The following PPIL6 variants were observed in gnomAD, a reference collection of about 807,000 sequenced individuals.
PPIL6 encodes the protein peptidylprolyl isomerase like 6.
A neutral mutation model predicts 36.8 loss-of-function variants in PPIL6; 39 were observed. The observed-to-expected ratio is 1.06, with a 90% CI of 0.82 to 1.38. The LOEUF (loss-of-function observed/expected upper bound fraction) is 1.38. PPIL6 is among the 40% of genes most tolerant of loss of function. PPIL6 has a pLI of 0.00. For missense variants in PPIL6, 368 were observed against 379.1 expected (o/e 0.97, Z 0.24); for synonymous variants, 123 against 134.1 (o/e 0.92, Z 0.57).
At chr6:109,440,974 C>G, upstream of PPIL6, 1 of 755,510 alleles carries the variant, frequency 1.3e-6, no homozygotes, top group Non-Finnish European at 2.2e-6. Context: ...CGGGCCCGAC[C>G]TGAGCCACGC....
chr6:109,430,717 G>A (rs1182056679), intron 3 of PPIL6, among the ~76,000 whole-genome samples: 1 of 152,134 alleles, frequency 6.6e-6, no homozygotes, highest in African/African-American at 2.4e-5. Context: ...GAGCCACCGC[G>A]CCCGGCCTGT....
chr6:109,439,485 T>C (rs1029482361), intron 1 of PPIL6, among the ~76,000 whole-genome samples: 2 of 152,104 alleles, frequency 1.3e-5, no homozygotes, highest in African/African-American at 2.4e-5. Context: ...GCCTCCTGAG[T>C]AGCTGGGATT....
intron 2 of PPIL6, among the ~76,000 whole-genome samples, chr6:109,432,985 G>C (rs915836640): frequency 6.6e-6 from 1 of 152,072 alleles, no homozygotes; most frequent in African/African-American, 2.4e-5. Flanking sequence ...ATCACTGATA[G>C]AGCCAGTTGG....
At chr6:109,400,001 G>T (rs202155130) in intron 7 of PPIL6, 34 bp downstream of exon 7, 3 of 1,524,602 alleles carry the variant, frequency 2.0e-6, no homozygotes, top group Admixed American at 1.8e-5. Context: ...TTACAGGTGT[G>T]AATATTATAT....
rs1772085810 is a variant in PPIL6, at chr6:109,391,207, GA to G, written c.*1618del. The G allele has an allele frequency of 1.5e-5, 2 of 135,434 alleles. No homozygotes were observed. Among genetic ancestry groups the G allele is most frequent in the Admixed American group, 1.7e-4 (2 of 11,768 alleles). The allele number at this position is 135,434 out of a possible 1,614,324, so 8.4% of individuals were successfully genotyped here. A position where few individuals can be genotyped will look rare whatever the true frequency, so the allele number is the denominator to read the frequency against. ...GGAGGCTGAGGCAGGAGAATGGCAT[GA>G]ATCAGGGAGGCAGAGCTTGCAGTGA... is the stretch of plus-strand genomic sequence containing the variant. On this transcript the variant is annotated 3_prime_UTR_variant, in exon 8 of 8. Transcript: ENST00000521072.
chr6:109,427,340 T>C (rs1582584540), intron 3 of PPIL6, among the ~76,000 whole-genome samples, 184 bp from the exon 4 acceptor site: 1 of 152,282 alleles, frequency 6.6e-6, no homozygotes, highest in Middle Eastern at 3.4e-3. Flanking sequence ...TTTATCAAGT[T>C]TTTATAACCC....
Position 109,394,739 on chromosome 6 carries a change from C to A in PPIL6, c.825-1802G>T, listed in dbSNP as rs188912851. ...AGAGGATAAATAGATTCATTTCTGTCCAAAGAGAGTATGAAGCCTGTTCTC... is the reference window on the plus strand; with the variant it reads ...AGAGGATAAATAGATTCATTTCTGTACAAAGAGAGTATGAAGCCTGTTCTC... On this transcript the variant is annotated intron_variant, in intron 7 of 7. Coordinates refer to ENST00000521072, the MANE Select transcript of PPIL6 (RefSeq NM_173672.5). Among the ~76,000 whole-genome samples, 463 of 152,300 alleles carry A rather than the reference C, an allele frequency of 3.0e-3. 2 individuals are homozygous for A. The highest frequency in any genetic ancestry group is 0.01 in the African/African-American group (435 of 41,570).
At chr6:109,418,458 T>G (rs534713395) in intron 6 of PPIL6, among the ~76,000 whole-genome samples, 2 of 152,296 alleles carry the variant, frequency 1.3e-5, no homozygotes, top group Admixed American at 1.3e-4. Context: ...TCCTTAACTG[T>G]TTGTATTGTG....
chr6:109,441,055 C>T (rs553477533), upstream of PPIL6: 7 of 1,548,158 alleles, frequency 4.5e-6, no homozygotes, highest in South Asian at 4.5e-5. Context: ...CCGCCGGCCG[C>T]CCCCGTCCCC....
In PPIL6 at chr6:109,414,976, A is replaced by G. The variant is rs189101914; in HGVS notation, c.688+4211T>C. 1.3e-3 allele frequency among the ~76,000 whole-genome samples: 195 copies of G among 152,346 alleles called. 2 individuals are homozygous for G. Among genetic ancestry groups the G allele is most frequent in the South Asian group, 8.1e-3 (39 of 4,830 alleles). ...AAAATAAAATGTTATAAAGAAAATC[A>G]TAAGGAAGAGAAAATATATCTACTA... On this transcript the variant is annotated intron_variant, in intron 6 of 7. Coordinates refer to ENST00000521072, the MANE Select transcript of PPIL6 (RefSeq NM_173672.5).
intron 5 of PPIL6, among the ~76,000 whole-genome samples, chr6:109,425,756 A>AAAAAAAAAAAAAAGAACAC (rs1228493386): frequency 4.0e-5 from 6 of 151,738 alleles, no homozygotes; most frequent in Non-Finnish European, 8.8e-5. Context: ...TTTCAAAAAA[A>AAAAAAAAAAAAAAGAACAC]AAAAAAAAAA....
At chr6:109,419,414 C>T (rs551012379) in intron 5 of PPIL6, among the ~76,000 whole-genome samples, 171 bp from the exon 6 acceptor site, 29 of 148,432 alleles carry the variant, frequency 2.0e-4, no homozygotes, top group East Asian at 5.9e-4. Flanking sequence ...GACTCCATCT[C>T]GATTAAAAAA....
chr6:109,410,069 C>T lies in PPIL6; in HGVS notation c.688+9118G>A, dbSNP rs546446314. The stretch of plus-strand genomic sequence containing the variant: ...TGACCAGCAGACCCATGGATTACCA[C>T]CTGATGCAAGCCCCTCCCACTGAGG... On this transcript the variant is annotated intron_variant, in intron 6 of 7. Transcript: ENST00000521072. 2.0e-5 allele frequency among the ~76,000 whole-genome samples: 3 copies of T among 152,238 alleles called. No homozygotes were observed. In the South Asian group the frequency reaches 6.2e-4, roughly 32 times the overall value.
At chr6:109,430,983 T>C (rs1447821649) in intron 3 of PPIL6, among the ~76,000 whole-genome samples, 174 bp downstream of exon 3, 1 of 152,210 alleles carries the variant, frequency 6.6e-6, no homozygotes, top group African/African-American at 2.4e-5. Flanking sequence ...TGAGACACAC[T>C]TGCTTTACAT....
chr6:109,395,113 T>G (rs1428514290), intron 7 of PPIL6, among the ~76,000 whole-genome samples: 1 of 152,116 alleles, frequency 6.6e-6, no homozygotes, highest in Non-Finnish European at 1.5e-5. Flanking sequence ...CTATTTAAAC[T>G]TAATTATAGG....
chr6:109,424,397 C>G (rs1773712327), intron 5 of PPIL6, among the ~76,000 whole-genome samples: 1 of 152,158 alleles, frequency 6.6e-6, no homozygotes. Flanking sequence ...GGAGGAGGGG[C>G]AGGCAGTGTT....
chr6:109,409,543 G>A (rs929820375), intron 6 of PPIL6, among the ~76,000 whole-genome samples: 8 of 151,540 alleles, frequency 5.3e-5, no homozygotes, highest in Non-Finnish European at 8.8e-5. Flanking sequence ...CAGCCTGGGC[G>A]ACAGTGTCGT....
intron 6 of PPIL6, among the ~76,000 whole-genome samples, chr6:109,408,640 C>A (rs1042059813): frequency 2.6e-5 from 4 of 151,974 alleles, no homozygotes; most frequent in Non-Finnish European, 5.9e-5. Context: ...AGATATAGAA[C>A]CTCAAATCCT....
At chr6:109,439,775 C>T (rs1774692945) in intron 1 of PPIL6, among the ~76,000 whole-genome samples, 1 of 152,080 alleles carries the variant, frequency 6.6e-6, no homozygotes, top group African/African-American at 2.4e-5. Flanking sequence ...TGGAGCAAAC[C>T]CTGTAAGAAG....
Sources: allele counts gnomAD v4.1 joint callset (sites outside exome capture counted in the v4.1 genomes callset), GRCh38; gene constraint gnomAD v4.1.1; transcripts MANE v1.5; gene names NCBI Gene and HGNC (gene_info 2026-07-23, HGNC 2026-07-21).